Variants in TENM2 observed in about 807,000 individuals in gnomAD.
The protein encoded by TENM2 is teneurin-2.
A neutral mutation model predicts 245.2 loss-of-function variants in TENM2; 52 were observed. That is an observed-to-expected ratio of 0.21 (90% confidence interval 0.17 to 0.27). The LOEUF (loss-of-function observed/expected upper bound fraction) is 0.27, where lower values mean the gene tolerates loss of function less well. Among genes scored for constraint, TENM2 ranks in the 10% least tolerant of loss-of-function variants. TENM2 has a pLI of 1.00. For missense variants in TENM2, 3,046 were observed against 3,666.8 expected (o/e 0.83, Z 4.37); for synonymous variants, 1,363 against 1,438.9 (o/e 0.95, Z 1.19).
At position 167,775,949 on chromosome 5, in the gene TENM2, C is replaced by A. The variant is rs538320424; in HGVS notation, c.503-100037C>A. On this transcript the variant is annotated intron_variant, in intron 2 of 28. Coordinates refer to ENST00000518659, the Ensembl canonical transcript of TENM2. ...TGAGTAAATAAATATTATTTTGAACCATTTTCAAGAGCAGAGATGGGAAAT... is the reference window on the plus strand; with the variant it reads ...TGAGTAAATAAATATTATTTTGAACAATTTTCAAGAGCAGAGATGGGAAAT... 3.3e-5 allele frequency among the ~76,000 whole-genome samples: 5 copies of A among 152,024 alleles called. No homozygotes were observed. The South Asian group carries it at 8.4e-4, about 25-fold the overall frequency.
At chr5:167,174,960 T>C in the TENM2 span, among the ~76,000 whole-genome samples, 1 of 152,242 alleles carries the variant, frequency 6.6e-6, no homozygotes, top group Admixed American at 6.5e-5. Flanking sequence ...CTTAGCACAA[T>C]GTCCTCTTGA....
intron 1 of TENM2, among the ~76,000 whole-genome samples, chr5:167,320,464 C>T (rs529240537): frequency 6.6e-6 from 1 of 152,272 alleles, no homozygotes; most frequent in South Asian, 2.1e-4. Flanking sequence ...TTTTGATAGA[C>T]ACAGAACGAG....
intron 1 of TENM2, among the ~76,000 whole-genome samples, chr5:167,343,113 G>T (rs1241432904): frequency 2.0e-5 from 3 of 152,122 alleles, no homozygotes; most frequent in Non-Finnish European, 4.4e-5. Context: ...AGTTGTTCCA[G>T]CTTTGGTTCC....
At chr5:168,146,440 C>G (rs1756090259) in intron 12 of TENM2, among the ~76,000 whole-genome samples, 1 of 152,166 alleles carries the variant, frequency 6.6e-6, no homozygotes, top group Non-Finnish European at 1.5e-5. Flanking sequence ...AGGGAAGACA[C>G]TGTTTCTTAG....
chr5:167,661,363 A>G (rs1447854742), intron 2 of TENM2, among the ~76,000 whole-genome samples: 1 of 152,202 alleles, frequency 6.6e-6, no homozygotes, highest in African/African-American at 2.4e-5. Context: ...TTCCAACTGT[A>G]AAGTGAGTGA....
At chr5:167,490,720 G>A (rs991313067) in intron 2 of TENM2, among the ~76,000 whole-genome samples, 4 of 152,002 alleles carry the variant, frequency 2.6e-5, no homozygotes, top group African/African-American at 9.7e-5. Context: ...TAGAAAACAG[G>A]ACAAACATGA....
At chr5:167,820,878 C>A (rs79738008) in intron 2 of TENM2, among the ~76,000 whole-genome samples, 1 of 152,298 alleles carries the variant, frequency 6.6e-6, no homozygotes, top group East Asian at 1.9e-4. Flanking sequence ...GGACCACAAA[C>A]GCCACAGTTC....
intron 2 of TENM2, among the ~76,000 whole-genome samples, chr5:167,533,419 G>A (rs1288013975): frequency 6.6e-6 from 1 of 152,028 alleles, no homozygotes; most frequent in Admixed American, 6.6e-5. Flanking sequence ...AATTGGCCAG[G>A]TGGTTGTTTT....
rs570863902 is a variant in TENM2 at position 168,195,407 on chromosome 5, C to T, written c.2900+112C>T. 3.9e-6 allele frequency: 5 copies of T among 1,276,462 alleles called. No individual in the cohort carries two copies. In the South Asian group the frequency reaches 5.7e-5, roughly 15 times the overall value. 79.1% of individuals were successfully genotyped at this position (1,276,462 alleles called of 1,614,324 possible). On this transcript the variant is annotated intron_variant, in intron 15 of 28. Transcript: ENST00000518659. ...ATTCCCCCTGGTGGACTGGAATGTC[C>T]ACCAGGCCTGTCCCCTAGTGAGGAT...
intron 3 of TENM2, among the ~76,000 whole-genome samples, chr5:167,951,488 T>C (rs1780095289): frequency 6.6e-6 from 1 of 152,272 alleles, no homozygotes. Flanking sequence ...TATTTCATTT[T>C]GTAGATTGAG....
intron 12 of TENM2, among the ~76,000 whole-genome samples, chr5:168,162,198 G>C (rs1447765940): frequency 6.6e-6 from 1 of 152,136 alleles, no homozygotes; most frequent in African/African-American, 2.4e-5. Flanking sequence ...TGGGTTGATA[G>C]GGAATTTTTT....
intron 2 of TENM2, among the ~76,000 whole-genome samples, chr5:167,565,205 G>GTGA (rs1397860602): frequency 6.6e-6 from 1 of 152,216 alleles, no homozygotes; most frequent in Non-Finnish European, 1.5e-5. Flanking sequence ...CCAGGGATTG[G>GTGA]TGATGGTCTT....
intron 2 of TENM2, among the ~76,000 whole-genome samples, chr5:167,725,738 C>G (rs1759955688): frequency 6.6e-6 from 1 of 152,124 alleles, no homozygotes; most frequent in Admixed American, 6.5e-5. Context: ...ATTTACTTTT[C>G]TAAGTGCATC....
intron 2 of TENM2, among the ~76,000 whole-genome samples, chr5:167,502,235 A>G (rs572203081): frequency 8.1e-4 from 124 of 152,340 alleles, no homozygotes; most frequent in African/African-American, 2.9e-3. Context: ...AGCTGAGTGC[A>G]TGGGCAGCCT....
the TENM2 span, among the ~76,000 whole-genome samples, chr5:167,166,949 C>A: frequency 6.6e-6 from 1 of 152,088 alleles, no homozygotes; most frequent in Non-Finnish European, 1.5e-5. Flanking sequence ...GCTAGATGAG[C>A]AAAGCCATAC....
intron 1 of TENM2, among the ~76,000 whole-genome samples, chr5:167,323,746 G>A (rs565972868): frequency 2.6e-5 from 4 of 152,108 alleles, no homozygotes; most frequent in African/African-American, 9.7e-5. Context: ...TCAATGATTG[G>A]TTCTTATTCC....
chr5:167,579,851 C>T (rs958645751), intron 2 of TENM2, among the ~76,000 whole-genome samples: 5 of 152,268 alleles, frequency 3.3e-5, no homozygotes, highest in African/African-American at 4.8e-5. Context: ...GCATCACGAT[C>T]GCGTGTGCTG....
intron 5 of TENM2, among the ~76,000 whole-genome samples, chr5:168,028,506 G>A (rs531311807): frequency 9.9e-5 from 15 of 152,198 alleles, no homozygotes; most frequent in African/African-American, 3.6e-4. Flanking sequence ...AAGGTGTAGT[G>A]GACACCAAAT....
chr5:167,724,769 G>A (rs1298207174), intron 2 of TENM2, among the ~76,000 whole-genome samples: 1 of 152,164 alleles, frequency 6.6e-6, no homozygotes, highest in East Asian at 1.9e-4. Flanking sequence ...AAGGGTAAAA[G>A]TAAAGTTCAA....
Sources: allele counts gnomAD v4.1 joint callset (sites outside exome capture counted in the v4.1 genomes callset), GRCh38; gene constraint gnomAD v4.1.1; transcripts MANE v1.5; gene names NCBI Gene and HGNC (gene_info 2026-07-23, HGNC 2026-07-21).